The following CCDC33 variants were observed in gnomAD, a reference collection of about 807,000 sequenced individuals.
CCDC33 encodes coiled-coil domain containing 33.
Under a neutral mutation model 91.9 loss-of-function variants are expected in CCDC33, and 94 were observed. The ratio of observed to expected loss-of-function variants is 1.02; its 90% CI spans 0.87 to 1.21. CCDC33 has a LOEUF of 1.21. Among genes scored for constraint, CCDC33 ranks in the 50% most tolerant of loss-of-function variants. The pLI is 0.00. For missense variants in CCDC33, 940 were observed against 935.5 expected (o/e 1.00, Z -0.06); for synonymous variants, 396 against 374.5 (o/e 1.06, Z -0.66).
At chr15:74,272,938 C>T in intron 7 of CCDC33, 47 bp downstream of exon 7, 1 of 1,610,046 alleles carries the variant, frequency 6.2e-7, no homozygotes. Context: ...CTACCCCACA[C>T]ATTCACTGTT....
intron 2 of CCDC33, among the ~76,000 whole-genome samples, chr15:74,260,022 G>C (rs1234879348): frequency 1.3e-5 from 2 of 152,374 alleles, no homozygotes; most frequent in East Asian, 3.9e-4. Context: ...GAGGGAGGCT[G>C]TGAGGCCTTA....
chr15:74,227,991 G>A (rs2074853551), intron 2 of CCDC33, among the ~76,000 whole-genome samples: 1 of 152,122 alleles, frequency 6.6e-6, no homozygotes. Flanking sequence ...GCGGGGGTGG[G>A]GGGATGGGCC....
intron 6 of CCDC33, 23 bp downstream of exon 6, chr15:74,271,817 T>C: frequency 6.2e-7 from 1 of 1,602,408 alleles, no homozygotes; most frequent in Admixed American, 1.7e-5. Context: ...CAGGTGGACC[T>C]GGGTGAGGAG....
At position 74,336,026 on chromosome 15, in the gene CCDC33, G is replaced by A. The variant is rs376915716; in HGVS notation, c.2241G>A (p.Lys747=). ...SKLNKPLSPQ[K]ETANSQQT ...TCAACAAGCCCTTGAGCCCCCAGAA[G>A]GAGACCGCTAACTCTCAGCAGACCT... The change falls in exon 19 of 19, where the codon AAG becomes AAA. Residue 747 remains lysine, a synonymous_variant. Transcript: ENST00000398814. 6.2e-7 allele frequency: 1 copy of A among 1,613,970 alleles called. No individual in the cohort carries two copies. The highest frequency in any genetic ancestry group is 8.5e-7 in the Non-Finnish European group (1 of 1,180,014).
chr15:74,219,034 T>C (rs2074520355), intron 2 of CCDC33, among the ~76,000 whole-genome samples: 1 of 152,040 alleles, frequency 6.6e-6, no homozygotes, highest in Admixed American at 6.6e-5. Context: ...GACATGGGAG[T>C]CCCAGTTACA....
intron 3 of CCDC33, among the ~76,000 whole-genome samples, chr15:74,265,940 C>T (rs2076155186): frequency 6.6e-6 from 1 of 152,202 alleles, no homozygotes; most frequent in Admixed American, 6.5e-5. Flanking sequence ...AGGAGACTCT[C>T]TTGAACCTGG....
rs190157616 is a variant in CCDC33, at chr15:74,228,674, G to A, written c.675+9813G>A. Among the ~76,000 whole-genome samples the A allele has an allele frequency of 7.9e-5, 12 of 152,362 alleles. No homozygotes were observed. In the East Asian group the frequency reaches 1.5e-3, roughly 20 times the overall value. ...GGAGCTCACGGATGGGCATGGGAGCGAGGAGGTTGTAGACATTATTTTAAT... is the reference window on the plus strand; with the variant it reads ...GGAGCTCACGGATGGGCATGGGAGCAAGGAGGTTGTAGACATTATTTTAAT... On this transcript the variant is annotated intron_variant, in intron 2 of 2. Coordinates refer to the CCDC33 transcript ENST00000635913.
chr15:74,261,800 G>A (rs1448526353), intron 2 of CCDC33, among the ~76,000 whole-genome samples: 2 of 152,160 alleles, frequency 1.3e-5, no homozygotes, highest in African/African-American at 4.8e-5. Context: ...CTTGAGGGCT[G>A]GAAAGCCCTT....
chr15:74,335,097 C>G lies in CCDC33; in HGVS notation c.2139+9C>G. 6.3e-7 allele frequency: 1 copy of G among 1,598,488 alleles called. No individual in the cohort carries two copies. Among genetic ancestry groups the G allele is most frequent in the Non-Finnish European group, 8.6e-7 (1 of 1,165,718 alleles). ...TCATCATAGAACAGCCTGTGAGTGA[C>G]CCCCCTGGAGTAGCTCCCAGGGGTT... On this transcript the variant is annotated intron_variant, in intron 18 of 18. Transcript: ENST00000398814.
At chr15:74,268,179 T>G (rs2076217513) in intron 4 of CCDC33, among the ~76,000 whole-genome samples, 163 bp from the exon 5 acceptor site, 1 of 152,144 alleles carries the variant, frequency 6.6e-6, no homozygotes, top group Non-Finnish European at 1.5e-5. Flanking sequence ...ATTATATTGA[T>G]CTCCTTGGAA....
chr15:74,325,881 A>G (rs2060300398), intron 11 of CCDC33, among the ~76,000 whole-genome samples: 2 of 151,978 alleles, frequency 1.3e-5, no homozygotes, highest in Non-Finnish European at 2.9e-5. Context: ...TCCCTAACCC[A>G]GCTCCTCCTT....
chr15:74,267,684 A>G (rs2076204102), intron 4 of CCDC33, among the ~76,000 whole-genome samples: 1 of 151,112 alleles, frequency 6.6e-6, no homozygotes, highest in South Asian at 2.1e-4. Flanking sequence ...GGGGTCCTAG[A>G]CCAAGTTTGT....
chr15:74,272,767 C>T lies in CCDC33; in HGVS notation c.639-4C>T, dbSNP rs773193456. The T allele has an allele frequency of 2.5e-6, 4 of 1,613,918 alleles. No homozygotes were observed. The South Asian group carries it at 4.4e-5, about 18-fold the overall frequency. On this transcript the variant is annotated splice_region_variant and splice_polypyrimidine_tract_variant and intron_variant, in intron 6 of 18. Transcript: ENST00000398814. Reference sequence around the variant, plus strand: ...GCACTGACCCTGTCTCCCTGCCTCCCCAGGGTCAGCCAGGCTAACAGGGAC... The same window carrying T: ...GCACTGACCCTGTCTCCCTGCCTCCTCAGGGTCAGCCAGGCTAACAGGGAC...
intron 2 of CCDC33, among the ~76,000 whole-genome samples, chr15:74,222,600 A>T (rs377094751): frequency 1.3e-5 from 2 of 151,666 alleles, no homozygotes; most frequent in African/African-American, 4.9e-5. Context: ...AAAGGAGAAG[A>T]AAAGCTAATA....
chr15:74,260,963 C>T (rs926351585), intron 2 of CCDC33, among the ~76,000 whole-genome samples: 4 of 152,202 alleles, frequency 2.6e-5, no homozygotes, highest in Non-Finnish European at 5.9e-5. Flanking sequence ...TTCCCACAAC[C>T]GCCCTGCAGG....
chr15:74,310,436 C>G (rs917809837), intron 11 of CCDC33, among the ~76,000 whole-genome samples: 5 of 150,844 alleles, frequency 3.3e-5, no homozygotes, highest in Non-Finnish European at 5.9e-5. Context: ...ACTTGAGAGG[C>G]TGAAGCAGGA....
At chr15:74,208,634 G>A (rs2074316068) in intron 1 of CCDC33, among the ~76,000 whole-genome samples, 1 of 151,970 alleles carries the variant, frequency 6.6e-6, no homozygotes, top group African/African-American at 2.4e-5. Context: ...CCCACCCCAG[G>A]TCTCCAAACT....
At chr15:74,238,916 C>T (rs1402384947) in intron 1 of CCDC33, among the ~76,000 whole-genome samples, 1 of 152,212 alleles carries the variant, frequency 6.6e-6, no homozygotes, top group Non-Finnish European at 1.5e-5. Flanking sequence ...TGTGTGCTTT[C>T]ATACAAGAGG....
chr15:74,239,389 C>G (rs1190245738), intron 1 of CCDC33, among the ~76,000 whole-genome samples: 1 of 152,182 alleles, frequency 6.6e-6, no homozygotes, highest in Non-Finnish European at 1.5e-5. Context: ...CCCTTCCCCC[C>G]AGCACATGGA....
Sources: allele counts gnomAD v4.1 joint callset (sites outside exome capture counted in the v4.1 genomes callset), GRCh38; gene constraint gnomAD v4.1.1; transcripts MANE v1.5; gene names NCBI Gene and HGNC (gene_info 2026-07-23, HGNC 2026-07-21).